Variants in TMPRSS9 observed in about 807,000 individuals in gnomAD.
TMPRSS9 encodes the protein transmembrane protease serine 9.
TMPRSS9 carries 113 observed loss-of-function variants against 111.4 expected under a neutral mutation model. That is an observed-to-expected ratio of 1.01 (90% CI 0.87 to 1.19). The LOEUF is 1.19. Ranked by LOEUF, TMPRSS9 falls within the 50% of genes most tolerant of loss-of-function variation. The probability of loss-of-function intolerance (pLI) is 0.00; values close to 1 mark genes in which losing one functional copy is unlikely to be tolerated. For synonymous variants in TMPRSS9, 805 were observed against 659.1 expected (o/e 1.22, Z -3.39); for missense variants, 1,803 against 1,513.1 (o/e 1.19, Z -3.18).
chr19:2,414,400 C>T (rs1161418768), intron 10 of TMPRSS9, among the ~76,000 whole-genome samples: 4 of 151,992 alleles, frequency 2.6e-5, no homozygotes, highest in Non-Finnish European at 4.4e-5. Context: ...CCACCACACC[C>T]GGCTAATTTT....
Position 2,402,105 on chromosome 19 carries a change from G to A in TMPRSS9, c.556+89G>A, listed in dbSNP as rs1970862352. ...TTTCAAGGAAGTGAAGGAATCCCTG[G>A]AACGAGGCTGGGCGCGGTGGCTCAC... On this transcript the variant is annotated intron_variant, in intron 5 of 17. Coordinates refer to ENST00000648592, the Ensembl canonical transcript of TMPRSS9. 2.1e-6 allele frequency: 3 copies of A among 1,410,682 alleles called. No homozygotes were observed. The Admixed American group carries it at 5.7e-5, about 27-fold the overall frequency. The allele number at this position is 1,410,682 out of a possible 1,614,324, so 87.4% of individuals were successfully genotyped here.
At chr19:2,425,288 G>C (rs1194997387) in intron 16 of TMPRSS9, 21 bp downstream of exon 17, 3 of 1,219,974 alleles carry the variant, frequency 2.5e-6, no homozygotes, top group Non-Finnish European at 3.1e-6. Context: ...CCGGGGCCGC[G>C]GTGGTGCGGG....
chr19:2,391,059 G>A (rs1970580823), intron 1 of TMPRSS9, among the ~76,000 whole-genome samples: 1 of 149,312 alleles, frequency 6.7e-6, no homozygotes, highest in Non-Finnish European at 1.5e-5. Flanking sequence ...GAGGGAGGCA[G>A]GCAGGCAGGT....
intron 7 of TMPRSS9, among the ~76,000 whole-genome samples, chr19:2,406,209 G>A (rs1034184241): frequency 1.3e-5 from 2 of 149,826 alleles, no homozygotes; most frequent in East Asian, 1.9e-4. Flanking sequence ...TAGTAGAGTC[G>A]GGGTTTCACC....
intron 1 of TMPRSS9, among the ~76,000 whole-genome samples, chr19:2,381,621 G>A (rs557590886): frequency 1.0e-4 from 15 of 147,246 alleles, no homozygotes; most frequent in African/African-American, 3.0e-4. Flanking sequence ...GCTCCATGCC[G>A]CCCCTGCCTC....
chr19:2,424,947 C>G (rs1341715943), intron 15 of TMPRSS9, 55 bp from the exon 17 acceptor site: 2 of 1,395,850 alleles, frequency 1.4e-6, no homozygotes, highest in African/African-American at 1.5e-5. Flanking sequence ...ACCACAGGGG[C>G]GGGGGCCGGG....
At chr19:2,373,035 T>G (rs1970302443) in intron 1 of TMPRSS9, among the ~76,000 whole-genome samples, 1 of 152,014 alleles carries the variant, frequency 6.6e-6, no homozygotes, top group Non-Finnish European at 1.5e-5. Context: ...GGTCTCGCCA[T>G]GTTGCTCAGG....
At chr19:2,425,778 G>A (rs1434476677) in intron 17 of TMPRSS9, 149 bp from the exon 19 acceptor site, 60 of 1,271,800 alleles carry the variant, frequency 4.7e-5, no homozygotes, top group Non-Finnish European at 6.1e-5. Flanking sequence ...ATAAATGTCT[G>A]CCACCTTTGC....
chr19:2,413,989 T>C, exon 10 of TMPRSS9: 2 of 1,604,168 alleles, frequency 1.2e-6, no homozygotes, highest in Middle Eastern at 1.7e-4. Context: ...ACCGTGCCTC[T>C]TGACTGGGTC....
At chr19:2,404,729 G>A (rs973669948) in intron 6 of TMPRSS9, among the ~76,000 whole-genome samples, 12 of 151,932 alleles carry the variant, frequency 7.9e-5, no homozygotes, top group East Asian at 5.8e-4. Flanking sequence ...TCAGGAGTTC[G>A]AGACCAGCCT....
chr19:2,401,805 A>G (rs1195327063), intron 4 of TMPRSS9, among the ~76,000 whole-genome samples, 170 bp from the exon 6 acceptor site: 2 of 150,890 alleles, frequency 1.3e-5, no homozygotes, highest in African/African-American at 4.9e-5. Flanking sequence ...ACAGGGTTTC[A>G]CCATGTTGGC....
intron 5 of TMPRSS9, among the ~76,000 whole-genome samples, 182 bp from the exon 7 acceptor site, chr19:2,402,900 C>G (rs1284355464): frequency 1.3e-5 from 2 of 152,020 alleles, no homozygotes. Context: ...ACTGCACTCC[C>G]GTTTGGGTAA....
exon 6 of TMPRSS9, chr19:2,403,188 G>C: frequency 6.2e-7 from 1 of 1,606,050 alleles, no homozygotes; most frequent in Non-Finnish European, 8.5e-7. Flanking sequence ...CCGACGAGGC[G>C]CACTGCGGTC....
At chr19:2,418,374 TCCCTC>T (rs1971330232) in intron 13 of TMPRSS9, among the ~76,000 whole-genome samples, 1 of 45,718 alleles carries the variant, frequency 2.2e-5, no homozygotes, top group African/African-American at 1.1e-4. Context: ...TTCCCTTCCC[TCCCTC>T]CCTTTCCTTC....
At position 2,380,544 on chromosome 19, in the gene TMPRSS9, T is replaced by C. The variant is rs1246012743; in HGVS notation, c.-25-9217T>C. ...TGAACCTGAGAGGCAGAGGTTGCAG[T>C]GAGCCAAAGTTGTGCCACTGCACTC... On this transcript the variant is annotated intron_variant, in intron 1 of 17. Coordinates refer to the TMPRSS9 transcript ENST00000649857. Among the ~76,000 whole-genome samples, 3 of 143,186 alleles carry C rather than the reference T, an allele frequency of 2.1e-5. No individual in the cohort carries two copies. The East Asian group carries it at 6.1e-4, about 29-fold the overall frequency. The allele number at this position is 143,186 out of a possible 152,430, so 93.9% of individuals were successfully genotyped here.
chr19:2,414,264 CA>C, intron 10 of TMPRSS9: 1 of 392,984 alleles, frequency 2.5e-6, no homozygotes, highest in Non-Finnish European at 4.6e-6. Context: ...TTTTGAGACG[CA>C]GTCTTGCTCC....
chr19:2,382,446 G>A (rs966941636), intron 1 of TMPRSS9, among the ~76,000 whole-genome samples: 11 of 152,278 alleles, frequency 7.2e-5, no homozygotes, highest in Admixed American at 1.3e-4. Flanking sequence ...CATTTTTTTA[G>A]TAGGAGTCGG....
At chr19:2,393,469 C>G (rs1250532523) in intron 1 of TMPRSS9, among the ~76,000 whole-genome samples, 5 of 152,176 alleles carry the variant, frequency 3.3e-5, no homozygotes, top group Non-Finnish European at 7.3e-5. Flanking sequence ...AGAACAAACT[C>G]CGGACACACC....
chr19:2,379,668 TCTTTCTTTCTC>T (rs1014533517), intron 1 of TMPRSS9, among the ~76,000 whole-genome samples: 2 of 149,460 alleles, frequency 1.3e-5, no homozygotes, highest in African/African-American at 5.0e-5. Context: ...TTTCTTTCTT[TCTTTCTTTCTC>T]TTTTTCTTTC....
Sources: allele counts gnomAD v4.1 joint callset (sites outside exome capture counted in the v4.1 genomes callset), GRCh38; gene constraint gnomAD v4.1.1; transcripts MANE v1.5; gene names NCBI Gene and HGNC (gene_info 2026-07-23, HGNC 2026-07-21).